Variants in CDK6 observed in about 807,000 individuals in gnomAD.
CDK6 encodes cyclin dependent kinase 6.
In CDK6, 6 loss-of-function variants were observed where a neutral mutation model predicts 37.1. That is an observed-to-expected ratio of 0.16 (90% CI 0.09 to 0.32). CDK6 has a LOEUF of 0.32. CDK6 is among the 10% of genes least tolerant of loss of function. The pLI is 1.00. For missense variants in CDK6, 224 were observed against 418.9 expected, an observed-to-expected ratio of 0.53 and a Z score of 4.06; for synonymous variants, 160 against 161.3, an observed-to-expected ratio of 0.99 and a Z score of 0.06.
chr7:92,760,906 A>AT (rs1000871380), intron 3 of CDK6, among the ~76,000 whole-genome samples: 2 of 151,906 alleles, frequency 1.3e-5, no homozygotes, highest in African/African-American at 4.8e-5. Context: ...CCTATGGTAC[A>AT]TTTTTTTATT....
intron 4 of CDK6, among the ~76,000 whole-genome samples, chr7:92,715,285 A>C (rs1469352829): frequency 3.3e-5 from 5 of 150,588 alleles, no homozygotes; most frequent in Non-Finnish European, 5.9e-5. Flanking sequence ...AACCTGAAGT[A>C]GTAGAGCTTT....
intron 5 of CDK6, among the ~76,000 whole-genome samples, chr7:92,645,868 C>T (rs1235406901): frequency 6.6e-6 from 1 of 152,244 alleles, no homozygotes; most frequent in African/African-American, 2.4e-5. Flanking sequence ...TGGCGGCTCA[C>T]ACCCCGGCTG....
chr7:92,772,478 C>T (rs1183735843), intron 3 of CDK6, among the ~76,000 whole-genome samples: 1 of 151,892 alleles, frequency 6.6e-6, no homozygotes, highest in East Asian at 1.9e-4. Flanking sequence ...CAGGACAATC[C>T]CTGTTCAACA....
chr7:92,628,078 A>G (rs12531820), intron 5 of CDK6, among the ~76,000 whole-genome samples: 36,682 of 151,990 alleles, frequency 0.24, 4,851 homozygotes, highest in Middle Eastern at 0.37. Flanking sequence ...TTGATAATCT[A>G]TTGTTATGAT....
chr7:92,793,094 G>T (rs1446469755), intron 2 of CDK6, among the ~76,000 whole-genome samples: 1 of 151,978 alleles, frequency 6.6e-6, no homozygotes, highest in Non-Finnish European at 1.5e-5. Flanking sequence ...AATATTGCAA[G>T]AAATAAAAGA....
At chr7:92,697,436 T>C (rs1797745873) in intron 4 of CDK6, among the ~76,000 whole-genome samples, 1 of 152,212 alleles carries the variant, frequency 6.6e-6, no homozygotes, top group Non-Finnish European at 1.5e-5. Context: ...TACTTAAACA[T>C]AAAAACTTGT....
At chr7:92,672,774 T>C (rs1191708525) in intron 4 of CDK6, among the ~76,000 whole-genome samples, 1 of 152,242 alleles carries the variant, frequency 6.6e-6, no homozygotes, top group East Asian at 1.9e-4. Flanking sequence ...TGTATTATTA[T>C]GGATGTCTAT....
chr7:92,713,674 A>T (rs899311032), intron 4 of CDK6, among the ~76,000 whole-genome samples: 1 of 151,222 alleles, frequency 6.6e-6, no homozygotes, highest in Admixed American at 6.6e-5. Context: ...AAGTAAAAAA[A>T]AAAAAAAAAA....
At chr7:92,696,664 G>A (rs532377679) in intron 4 of CDK6, among the ~76,000 whole-genome samples, 101 of 152,206 alleles carry the variant, frequency 6.6e-4, no homozygotes, top group African/African-American at 2.2e-3. Flanking sequence ...TAGAACAAAC[G>A]CTTTGGTCTA....
At chr7:92,821,842 T>C (rs1331973905) in intron 2 of CDK6, among the ~76,000 whole-genome samples, 2 of 152,018 alleles carry the variant, frequency 1.3e-5, no homozygotes, top group African/African-American at 2.4e-5. Context: ...CTTGGAATGG[T>C]AGCCCCAAAC....
chr7:92,613,852 T>G lies in CDK6; in HGVS notation c.*1288A>C, dbSNP rs529715636. 4.3e-6 allele frequency: 1 copy of G among 233,084 alleles called. No homozygotes were observed. The highest frequency in any genetic ancestry group is 2.2e-5 in the African/African-American group (1 of 45,346). 14.4% of individuals were successfully genotyped at this position (233,084 alleles called of 1,614,324 possible). On this transcript the variant is annotated 3_prime_UTR_variant, in exon 8 of 8. Transcript: ENST00000424848. ...TAGAAGGACTGCATTAGAGAACATA[T>G]GTGACCCTGTTAGGTTTGCAGAATC...
intron 3 of CDK6, among the ~76,000 whole-genome samples, chr7:92,758,644 A>G (rs977046753): frequency 6.6e-6 from 1 of 152,128 alleles, no homozygotes; most frequent in African/African-American, 2.4e-5. Flanking sequence ...ATGAATTTGA[A>G]AATAGTTTTT....
At chr7:92,701,219 G>T (rs944256729) in intron 4 of CDK6, among the ~76,000 whole-genome samples, 3 of 152,310 alleles carry the variant, frequency 2.0e-5, no homozygotes, top group African/African-American at 7.2e-5. Context: ...GATTAGAAGA[G>T]CACTGACTCC....
chr7:92,753,512 A>G (rs1799237197), intron 3 of CDK6, among the ~76,000 whole-genome samples: 1 of 152,168 alleles, frequency 6.6e-6, no homozygotes, highest in Non-Finnish European at 1.5e-5. Context: ...TTTATTTTTG[A>G]GACGGAGTCT....
chr7:92,726,581 T>G lies in CDK6; in HGVS notation c.370-788A>C, dbSNP rs566981578. ...GCATGCCACCATGCTAGGCTAATGT[T>G]TTTAGTTTTTGCAGAGATGCGATCT... On this transcript the variant is annotated intron_variant, in intron 3 of 7. Coordinates refer to ENST00000424848, the MANE Select transcript of CDK6 (RefSeq NM_001145306.2). Among the ~76,000 whole-genome samples the G allele has an allele frequency of 2.6e-5, 4 of 152,052 alleles. No individual in the cohort carries two copies. The South Asian group carries it at 8.3e-4, about 32-fold the overall frequency.
chr7:92,738,659 G>T (rs1193997495), intron 3 of CDK6, among the ~76,000 whole-genome samples: 1 of 149,762 alleles, frequency 6.7e-6, no homozygotes, highest in African/African-American at 2.5e-5. Flanking sequence ...AAAAAAAATT[G>T]GTATTACAAT....
At chr7:92,765,484 A>T (rs912119813) in intron 3 of CDK6, among the ~76,000 whole-genome samples, 1 of 152,184 alleles carries the variant, frequency 6.6e-6, no homozygotes, top group African/African-American at 2.4e-5. Flanking sequence ...CGCAAGTGCA[A>T]AGTGAATGTG....
At chr7:92,791,408 C>T (rs1337981960) in intron 2 of CDK6, among the ~76,000 whole-genome samples, 2 of 152,070 alleles carry the variant, frequency 1.3e-5, no homozygotes, top group African/African-American at 4.8e-5. Flanking sequence ...ATTTTAATAT[C>T]CCAAATGTGA....
intron 2 of CDK6, among the ~76,000 whole-genome samples, chr7:92,824,022 C>T (rs1400563697): frequency 6.6e-6 from 1 of 151,464 alleles, no homozygotes; most frequent in African/African-American, 2.4e-5. Context: ...ATGTTCCTAA[C>T]ATTATACTTT....
Sources: allele counts gnomAD v4.1 joint callset (sites outside exome capture counted in the v4.1 genomes callset), GRCh38; gene constraint gnomAD v4.1.1; transcripts MANE v1.5; gene names NCBI Gene and HGNC (gene_info 2026-07-23, HGNC 2026-07-21).